CSMD1: variants seen among roughly 807,000 people sequenced by gnomAD.
The protein encoded by CSMD1 is CUB and sushi domain-containing protein 1.
In CSMD1, 213 loss-of-function variants were observed where a neutral mutation model predicts 417.5. That is an observed-to-expected ratio of 0.51 (90% CI 0.46 to 0.57). The LOEUF (loss-of-function observed/expected upper bound fraction) is 0.57. Among genes scored for constraint, CSMD1 ranks in the 20% least tolerant of loss-of-function variants. CSMD1 has a pLI of 0.00. For synonymous variants in CSMD1, 2,862 were observed against 1,736.8 expected (o/e 1.65, Z -16.11); for missense variants, 6,923 against 4,529.7 (o/e 1.53, Z -15.17).
chr8:3,787,869 TA>T (rs1799534120), intron 5 of CSMD1, among the ~76,000 whole-genome samples: 1 of 152,190 alleles, frequency 6.6e-6, no homozygotes. Context: ...CACAAAATAG[TA>T]TAAGTATGAG....
intron 12 of CSMD1, among the ~76,000 whole-genome samples, chr8:3,461,235 A>C (rs971163424): frequency 2.0e-5 from 3 of 152,228 alleles, no homozygotes; most frequent in Non-Finnish European, 4.4e-5. Context: ...TGCAAGGGCT[A>C]CTGACCCCGA....
At chr8:4,089,964 C>A (rs1408539280) in intron 3 of CSMD1, among the ~76,000 whole-genome samples, 2 of 152,130 alleles carry the variant, frequency 1.3e-5, no homozygotes, top group African/African-American at 4.8e-5. Context: ...TGCTGACTTT[C>A]AGATAGAATG....
At chr8:3,858,679 T>A (rs1225599896) in intron 5 of CSMD1, among the ~76,000 whole-genome samples, 2 of 152,188 alleles carry the variant, frequency 1.3e-5, no homozygotes, top group African/African-American at 4.8e-5. Flanking sequence ...AGAACTTTTT[T>A]TTTTTCTGTT....
intron 29 of CSMD1, among the ~76,000 whole-genome samples, chr8:3,216,714 G>A (rs1797902537): frequency 6.6e-6 from 1 of 152,216 alleles, no homozygotes; most frequent in Non-Finnish European, 1.5e-5. Flanking sequence ...ATAACAGGGT[G>A]TATTTTGTGT....
At chr8:4,958,066 T>A (rs1809239547) in intron 1 of CSMD1, among the ~76,000 whole-genome samples, 1 of 152,184 alleles carries the variant, frequency 6.6e-6, no homozygotes, top group South Asian at 2.1e-4. Context: ...AAGAGGGAGC[T>A]TCATGTATTT....
At chr8:4,523,595 G>A (rs73180949) in intron 2 of CSMD1, among the ~76,000 whole-genome samples, 5 of 152,022 alleles carry the variant, frequency 3.3e-5, no homozygotes, top group Admixed American at 6.6e-5. Flanking sequence ...CAGAATATTA[G>A]TGTGGTAGAA....
At chr8:4,447,989 T>A (rs1798914346) in intron 2 of CSMD1, among the ~76,000 whole-genome samples, 2 of 152,286 alleles carry the variant, frequency 1.3e-5, no homozygotes, top group Non-Finnish European at 2.9e-5. Context: ...TCTTGGAAAT[T>A]TTTGCCAGGG....
chr8:3,902,929 G>C (rs576570056), intron 5 of CSMD1, among the ~76,000 whole-genome samples: 1 of 152,062 alleles, frequency 6.6e-6, no homozygotes, highest in South Asian at 2.1e-4. Flanking sequence ...TCTTTCTCCA[G>C]TTTCCAGCTC....
At chr8:3,697,814 T>C (rs955588643) in intron 7 of CSMD1, among the ~76,000 whole-genome samples, 3 of 152,178 alleles carry the variant, frequency 2.0e-5, no homozygotes, top group African/African-American at 7.2e-5. Flanking sequence ...TATACTTCCT[T>C]TTTTAGGTCT....
rs77906985 is a variant in CSMD1, at chr8:3,561,789, A to G, written c.1344+13156T>C. Reference sequence around the variant, plus strand: ...TAAAAAATTTAACAAGTAAAATTAAAAACAGAAAAAGAAAAAAAAGTAGTA... The same window carrying G: ...TAAAAAATTTAACAAGTAAAATTAAGAACAGAAAAAGAAAAAAAAGTAGTA... On this transcript the variant is annotated intron_variant, in intron 10 of 69. Coordinates refer to ENST00000635120, the MANE Select transcript of CSMD1 (RefSeq NM_033225.6). Among the ~76,000 whole-genome samples, 715 of 149,646 alleles carry G rather than the reference A, an allele frequency of 4.8e-3. 15 individuals are homozygous for G. The highest frequency in any genetic ancestry group is 0.017 in the African/African-American group (687 of 41,472).
At chr8:4,974,399 C>T (rs371754077) in intron 1 of CSMD1, among the ~76,000 whole-genome samples, 20 of 152,022 alleles carry the variant, frequency 1.3e-4, no homozygotes, top group East Asian at 5.8e-4. Context: ...TGATTATCTC[C>T]AATATTTATA....
intron 2 of CSMD1, among the ~76,000 whole-genome samples, chr8:4,559,757 A>G (rs1798245863): frequency 1.3e-5 from 2 of 152,258 alleles, no homozygotes; most frequent in Admixed American, 1.3e-4. Context: ...ATAGTGAGTC[A>G]GTTGTTATCA....
At chr8:4,474,689 A>G (rs111475662) in intron 2 of CSMD1, among the ~76,000 whole-genome samples, 3 of 152,108 alleles carry the variant, frequency 2.0e-5, no homozygotes, top group African/African-American at 2.4e-5. Flanking sequence ...GTGGATCTCA[A>G]CTGAGCAGTT....
chr8:4,417,722 G>C lies in CSMD1; in HGVS notation c.415+2231C>G, dbSNP rs566905388. Among the ~76,000 whole-genome samples, 3 of 152,066 alleles carry C rather than the reference G, an allele frequency of 2.0e-5. No individual in the cohort carries two copies. In the South Asian group the frequency reaches 6.2e-4, roughly 32 times the overall value. On this transcript the variant is annotated intron_variant, in intron 3 of 69. Coordinates refer to ENST00000635120, the MANE Select transcript of CSMD1 (RefSeq NM_033225.6). ...AAGAGGAAATCTGAGGTATCAGAAA[G>C]AGAATTTTGTGACTCTAAATCAACT... is the stretch of plus-strand genomic sequence containing the variant.
chr8:4,135,323 C>G (rs13279836), intron 3 of CSMD1, among the ~76,000 whole-genome samples: 13 of 130,152 alleles, frequency 1.0e-4, no homozygotes, highest in Non-Finnish European at 1.3e-4. Flanking sequence ...GAGGGAGGAG[C>G]GAAGGAAGGG....
chr8:3,496,406 C>A (rs184357309), intron 10 of CSMD1, among the ~76,000 whole-genome samples: 1 of 152,116 alleles, frequency 6.6e-6, no homozygotes, highest in Non-Finnish European at 1.5e-5. Context: ...CTGGCCTCAA[C>A]CTACAAGAAC....
intron 3 of CSMD1, among the ~76,000 whole-genome samples, chr8:4,418,594 C>A (rs1246415183): frequency 6.6e-6 from 1 of 152,070 alleles, no homozygotes; most frequent in African/African-American, 2.4e-5. Flanking sequence ...GTTAACAGGA[C>A]AAAATATGCC....
intron 2 of CSMD1, among the ~76,000 whole-genome samples, chr8:4,461,772 G>T (rs1296611694): frequency 2.2e-5 from 3 of 134,608 alleles, no homozygotes; most frequent in East Asian, 2.1e-4. Context: ...ATGGAGTCTC[G>T]CTCTGTCACC....
chr8:3,259,314 T>C (rs531659434), intron 26 of CSMD1, among the ~76,000 whole-genome samples: 16 of 152,336 alleles, frequency 1.1e-4, no homozygotes, highest in African/African-American at 3.8e-4. Context: ...AGTTAGCATG[T>C]GAGCTCTGCA....
Sources: allele counts gnomAD v4.1 joint callset (sites outside exome capture counted in the v4.1 genomes callset), GRCh38; gene constraint gnomAD v4.1.1; transcripts MANE v1.5; gene names NCBI Gene and HGNC (gene_info 2026-07-23, HGNC 2026-07-21).